Variants in PHLDB1 observed in about 807,000 individuals in gnomAD.
PHLDB1 encodes pleckstrin homology like domain family B member 1.
PHLDB1 carries 65 observed loss-of-function variants against 139.3 expected under a neutral mutation model. That is an observed-to-expected ratio of 0.47 (90% CI 0.38 to 0.57). The LOEUF is 0.57. Among genes scored for constraint, PHLDB1 ranks in the 20% least tolerant of loss-of-function variants. The pLI is 0.00. For missense variants in PHLDB1, 1,624 were observed against 1,839.7 expected, an observed-to-expected ratio of 0.88 and a Z score of 2.14; for synonymous variants, 679 against 734.5, an observed-to-expected ratio of 0.92 and a Z score of 1.22.
chr11:118,649,795 G>C (rs1948095956), intron 18 of PHLDB1, among the ~76,000 whole-genome samples: 1 of 152,162 alleles, frequency 6.6e-6, no homozygotes, highest in African/African-American at 2.4e-5. Flanking sequence ...TGGCTCAGGA[G>C]GGAAAGGAGG....
In PHLDB1 at chr11:118,618,548, C is replaced by T. The variant is rs568615036; in HGVS notation, c.355+2337C>T. On this transcript the variant is annotated intron_variant, in intron 4 of 22. Transcript: ENST00000600882. ...GGGCTTACGAATCCTGTGTTTGTGT[C>T]TTTCCTTGTGTTTATCGATCAGTGT... Among the ~76,000 whole-genome samples the T allele has an allele frequency of 1.8e-4, 27 of 152,166 alleles. 1 individual carries two copies. In the South Asian group the frequency reaches 5.4e-3, roughly 31 times the overall value.
rs1555127372 is a variant in PHLDB1, at chr11:118,645,732, C to T, written c.3417-3C>T. 1.2e-6 allele frequency: 2 copies of T among 1,613,420 alleles called. No homozygotes were observed. The highest frequency in any genetic ancestry group is 1.7e-5 in the Admixed American group (1 of 60,026). On this transcript the variant is annotated splice_region_variant and splice_polypyrimidine_tract_variant and intron_variant, in intron 16 of 22. Transcript: ENST00000600882. This position sits in a 1 kb window ranked among gnomAD's most constrained non-coding sequence, Gnocchi z 5.1. ...GCACTTCCTCTTCCCCTTCTCTCCC[C>T]AGCGCGAGTGGTCTGGACATGGGGA... is the stretch of plus-strand genomic sequence containing the variant.
rs1227279286 is a variant in PHLDB1 at position 118,628,019 on chromosome 11, A to G, written c.1196A>G (p.Gln399Arg). The G allele has an allele frequency of 5.0e-6, 8 of 1,613,794 alleles. No individual in the cohort carries two copies. Among genetic ancestry groups the G allele is most frequent in the Non-Finnish European group, 6.8e-6 (8 of 1,180,034 alleles). The change falls in exon 6 of 23, where the codon CAG becomes CGG. Residue 399 changes from glutamine to arginine, a missense_variant. By Grantham distance (43) the Gln-to-Arg change is conservative. Transcript: ENST00000600882. ...PAPRNKIGTLQDRPPSPFREP... is the reference protein window; with the variant it reads ...PAPRNKIGTLRDRPPSPFREP... ...CCCCGAAACAAGATTGGCACACTCC[A>G]GGACCGCCCTCCCAGCCCTTTCCGT...
intron 4 of PHLDB1, among the ~76,000 whole-genome samples, chr11:118,616,700 C>T (rs1555089953): frequency 1.3e-5 from 2 of 152,144 alleles, no homozygotes; most frequent in Non-Finnish European, 2.9e-5. Context: ...TTTTGGGTCA[C>T]GAATATAACC....
chr11:118,632,194 G>A lies in PHLDB1; in HGVS notation c.2277G>A (p.Arg759=), dbSNP rs1944926307. ...AGCGGGCACTGCTGCAGGGAGAGAG[G>A]GAGGCAGAGCGGGCACTGCTGCAGA... is the stretch of plus-strand genomic sequence containing the variant. ...EMERALLQGE[R]EAERALLQKE... The change falls in exon 9 of 23, where the codon AGG becomes AGA. Residue 759 remains arginine (R), a synonymous_variant. Coordinates refer to ENST00000600882, the MANE Select transcript of PHLDB1 (RefSeq NM_001144758.3). This position sits in a 1 kb window ranked among gnomAD's most constrained non-coding sequence, Gnocchi z 5.9. 5 of 1,614,116 alleles carry A rather than the reference G, an allele frequency of 3.1e-6. No individual in the cohort carries two copies. The Middle Eastern group carries it at 5.0e-4, about 160-fold the overall frequency.
chr11:118,648,098 G>A lies in PHLDB1; in HGVS notation c.3654+22G>A, dbSNP rs782131940. The A allele has an allele frequency of 3.1e-6, 5 of 1,610,224 alleles. No individual in the cohort carries two copies. In the Admixed American group the frequency reaches 6.7e-5, roughly 22 times the overall value. ...CCAGGTGAATGGGCAGTGGGGCACA[G>A]TGGTGGTTGGTTTGACGGTGAGGGC... On this transcript the variant is annotated intron_variant, in intron 18 of 22. Coordinates refer to ENST00000600882, the MANE Select transcript of PHLDB1 (RefSeq NM_001144758.3).
chr11:118,648,270 TGTGTGTGTGTGTGTGTGTGTGTGTGTG>T (rs1470083840), intron 18 of PHLDB1, among the ~76,000 whole-genome samples, 194 bp downstream of exon 18: 1 of 3,072 alleles, frequency 3.3e-4, no homozygotes, highest in Non-Finnish European at 1.9e-3. Context: ...CTATTCAAGT[TGTGTGTGTGTGTGTGTGTGTGTGTGTG>T]TGTGTGTGTG....
At chr11:118,635,178 T>G in intron 9 of PHLDB1, 1 of 612,784 alleles carries the variant, frequency 1.6e-6, no homozygotes, top group Non-Finnish European at 2.9e-6. Flanking sequence ...GTGCTGCGGT[T>G]TGGAGGGAAC....
chr11:118,610,618 C>T lies in PHLDB1; in HGVS notation c.-22+2919C>T. 3.0e-6 allele frequency: 1 copy of T among 332,700 alleles called. No individual in the cohort carries two copies. The highest frequency in any genetic ancestry group is 4.3e-6 in the Non-Finnish European group (1 of 232,944). 20.6% of individuals were successfully genotyped at this position (332,700 alleles called of 1,614,324 possible). ...TGGTGCTCTGGGGCTGGCTTTGGAC[C>T]TCTCGTCCTGGGACTCCGTGGGAGC... On this transcript the variant is annotated intron_variant, in intron 1 of 22. Transcript: ENST00000600882. This position sits in a 1 kb window ranked among gnomAD's most constrained non-coding sequence, Gnocchi z 8.7.
rs782475070 is a variant in PHLDB1 at position 118,628,247 on chromosome 11, G to A, written c.1424G>A (p.Arg475Gln). The change falls in exon 6 of 23, where the codon CGG becomes CAG. Residue 475 changes from arginine to glutamine, a missense_variant. Transcript: ENST00000600882. ...CGAGCTCTCTCCCCGCTGCCCACCC[G>A]GACCACCCCAGATCCCAAGCTAAAC... ...SRRALSPLPT[R>Q]TTPDPKLNRE... 6 of 1,613,880 alleles carry A rather than the reference G, an allele frequency of 3.7e-6. No homozygotes were observed. Among genetic ancestry groups the A allele is most frequent in the Admixed American group, 3.3e-5 (2 of 59,994 alleles).
chr11:118,622,291 G>T (rs1942979353), intron 4 of PHLDB1, among the ~76,000 whole-genome samples: 1 of 152,196 alleles, frequency 6.6e-6, no homozygotes, highest in Non-Finnish European at 1.5e-5. Context: ...CCCAGAAACA[G>T]GCTGGCCAGA....
At chr11:118,617,630 A>AT (rs113031037) in intron 4 of PHLDB1, among the ~76,000 whole-genome samples, 60 of 146,286 alleles carry the variant, frequency 4.1e-4, no homozygotes, top group Middle Eastern at 7.1e-3. Flanking sequence ...CGCCCGGCTA[A>AT]TTTTTTTTTT....
In PHLDB1 at chr11:118,631,489, A is replaced by T; in HGVS notation, c.2100+10A>T. On this transcript the variant is annotated intron_variant, in intron 7 of 22. Coordinates refer to ENST00000600882, the MANE Select transcript of PHLDB1 (RefSeq NM_001144758.3). ...GAGCACCCAGCAGGAGGTGAGATGG[A>T]GGGGTAGGCAAGACAAAGAGGCTGA... 7 of 1,418,822 alleles carry T rather than the reference A, an allele frequency of 4.9e-6. No homozygotes were observed. The highest frequency in any genetic ancestry group is 2.7e-5 in the Admixed American group (1 of 36,874). 87.9% of individuals were successfully genotyped at this position (1,418,822 alleles called of 1,614,324 possible).
At chr11:118,627,092 C>T in intron 5 of PHLDB1, 1 of 583,158 alleles carries the variant, frequency 1.7e-6, no homozygotes, top group South Asian at 2.3e-5. Context: ...CTGCCGATTC[C>T]CTTCCTTTAC....
At chr11:118,630,046 T>C (rs1373129661) in intron 6 of PHLDB1, 4 of 1,166,314 alleles carry the variant, frequency 3.4e-6, no homozygotes, top group Non-Finnish European at 4.5e-6. Context: ...TTTTTTTTTT[T>C]GCCATGGAAC....
chr11:118,613,860 A>G lies in PHLDB1; in HGVS notation c.24A>G (p.Gln8=), dbSNP rs2135734872. 6.2e-7 allele frequency: 1 copy of G among 1,612,578 alleles called. No individual in the cohort carries two copies. Among genetic ancestry groups the G allele is most frequent in the East Asian group, 2.2e-5 (1 of 44,862 alleles). Reference sequence around the variant, plus strand: ...CCATGGACGCTCTCAATAGGAACCAAATAGGCCCTGGATGCCAGACCCAGA... The same window carrying G: ...CCATGGACGCTCTCAATAGGAACCAGATAGGCCCTGGATGCCAGACCCAGA... MDALNRN[Q]IGPGCQTQTM... Residue 8 remains glutamine (Q), a synonymous_variant, in exon 2 of 23, where the codon CAA becomes CAG. Coordinates refer to ENST00000600882, the MANE Select transcript of PHLDB1 (RefSeq NM_001144758.3).
rs1946925866 is a variant in PHLDB1, at chr11:118,643,508, T to C, written c.2878-292T>C. On this transcript the variant is annotated intron_variant, in intron 13 of 22. Transcript: ENST00000600882. ...GGAACCCAGCTTCTAGTTGGTCTCC[T>C]GCACAACTGCCTGACTGACATTAAA... The C allele has an allele frequency of 5.1e-6, 5 of 985,448 alleles. No individual in the cohort carries two copies. In the South Asian group the frequency reaches 2.3e-4, roughly 46 times the overall value. 61.0% of individuals were successfully genotyped at this position (985,448 alleles called of 1,614,324 possible). A position where few individuals can be genotyped will look rare whatever the true frequency, so the allele number is the denominator to read the frequency against.
At chr11:118,615,863 G>A (rs1941528523) in intron 3 of PHLDB1, among the ~76,000 whole-genome samples, 178 bp from the exon 4 acceptor site, 1 of 152,212 alleles carries the variant, frequency 6.6e-6, no homozygotes, top group Admixed American at 6.5e-5. Flanking sequence ...TTTGAGAACA[G>A]CGTCCATCAC....
chr11:118,612,937 A>C (rs782264110), intron 1 of PHLDB1, among the ~76,000 whole-genome samples: 1 of 152,098 alleles, frequency 6.6e-6, no homozygotes, highest in Non-Finnish European at 1.5e-5. Context: ...ACATTAGTAC[A>C]CAAAGGTCCT....
Sources: gnomAD v4.1 joint callset for allele counts (sites outside exome capture counted in the v4.1 genomes callset) on GRCh38, gnomAD v4.1.1 for gene constraint, Gnocchi (gnomAD v3.1) non-coding constraint, MANE v1.5 for transcripts, NCBI Gene and HGNC (gene_info 2026-07-23, HGNC 2026-07-21) for gene names.